Variants in PDZD9 observed in about 807,000 individuals in gnomAD.
The protein encoded by PDZD9 is PDZ domain-containing protein 9.
In PDZD9, 13 loss-of-function variants were observed where a neutral mutation model predicts 16.3. The ratio of observed to expected loss-of-function variants is 0.80; its 90% CI spans 0.52 to 1.27. The LOEUF (loss-of-function observed/expected upper bound fraction) is 1.27. Among genes scored for constraint, PDZD9 ranks in the 50% most tolerant of loss-of-function variants. The pLI is 0.00. For missense variants in PDZD9, 288 were observed against 310.9 expected, an observed-to-expected ratio of 0.93 and a Z score of 0.55; for synonymous variants, 120 against 111.0, an observed-to-expected ratio of 1.08 and a Z score of -0.51.
the PDZD9 span, chr16:21,968,625 C>T: frequency 3.7e-6 from 6 of 1,604,176 alleles, no homozygotes; most frequent in Admixed American, 1.7e-5. Context: ...TTAACTTCCT[C>T]AGTTACATTA....
the PDZD9 span, among the ~76,000 whole-genome samples, chr16:21,970,566 G>A: frequency 6.6e-6 from 1 of 152,042 alleles, no homozygotes; most frequent in Non-Finnish European, 1.5e-5. Context: ...TGTGCTTTTT[G>A]TCCATTTGTA....
the PDZD9 span, chr16:21,971,858 T>C: frequency 6.2e-7 from 1 of 1,601,716 alleles, no homozygotes; most frequent in South Asian, 1.1e-5. Flanking sequence ...TAGGAAATAC[T>C]GGAGAATGAA....
At chr16:21,975,272 A>G in the PDZD9 span, among the ~76,000 whole-genome samples, 1 of 152,224 alleles carries the variant, frequency 6.6e-6, no homozygotes, top group African/African-American at 2.4e-5. Context: ...GGCCTGATAA[A>G]TTGAAAGACT....
At position 21,988,740 on chromosome 16, in the gene PDZD9, CGAA is replaced by C; in HGVS notation, c.260_262del (p.Leu87del). Reference sequence around the variant, plus strand: ...ATGTTGCAAAAGCTGTAAAAATTCTCGAAGAGTATATCCTAACACATTGGCATG... The same window carrying C: ...ATGTTGCAAAAGCTGTAAAAATTCTCGAGTATATCCTAACACATTGGCATG... On this transcript the variant is annotated inframe_deletion, in exon 3 of 4. Coordinates refer to ENST00000424898, the MANE Select transcript of PDZD9 (RefSeq NM_001363519.1). The C allele has an allele frequency of 6.2e-7, 1 of 1,613,446 alleles. No homozygotes were observed. The highest frequency in any genetic ancestry group is 1.3e-5 in the African/African-American group (1 of 74,990).
the PDZD9 span, chr16:21,976,147 A>C: frequency 6.2e-7 from 1 of 1,607,424 alleles, no homozygotes; most frequent in Admixed American, 1.7e-5. Context: ...CAGATGACCA[A>C]CTTTTCTTAT....
chr16:21,993,038 C>A (rs1899062639), intron 2 of PDZD9, among the ~76,000 whole-genome samples: 1 of 152,122 alleles, frequency 6.6e-6, no homozygotes, highest in Non-Finnish European at 1.5e-5. Context: ...TGCCTGATTC[C>A]TCTTCCACTA....
chr16:21,963,795 C>A, the PDZD9 span, among the ~76,000 whole-genome samples: 1 of 152,010 alleles, frequency 6.6e-6, no homozygotes, highest in African/African-American at 2.4e-5. Flanking sequence ...AGTTGTTTTG[C>A]TTACCCCAAA....
rs986274392 is a variant in PDZD9, at chr16:21,984,229, G to A, written c.*38C>T. The A allele has an allele frequency of 6.4e-7, 1 of 1,563,558 alleles. No homozygotes were observed. The highest frequency in any genetic ancestry group is 2.3e-5 in the East Asian group (1 of 44,386). ...GTGCCTGGTGAGGCACAAAACTTGG[G>A]TGTCTGCAAGATAAATGCTCATATG... On this transcript the variant is annotated 3_prime_UTR_variant, in exon 4 of 4. Coordinates refer to ENST00000424898, the MANE Select transcript of PDZD9 (RefSeq NM_001363519.1).
the PDZD9 span, among the ~76,000 whole-genome samples, chr16:21,969,677 T>C: frequency 6.6e-6 from 1 of 152,200 alleles, no homozygotes. Flanking sequence ...AAATTACAGC[T>C]TAAGATATAA....
chr16:21,984,885 TA>T (rs34161703), intron 3 of PDZD9, among the ~76,000 whole-genome samples: 3 of 152,220 alleles, frequency 2.0e-5, no homozygotes, highest in African/African-American at 7.2e-5. Context: ...CACCATACCT[TA>T]AAAAGTTTTG....
At chr16:21,999,314 C>T in intron 1 of PDZD9, 1 of 221,656 alleles carries the variant, frequency 4.5e-6, no homozygotes, top group Non-Finnish European at 9.9e-6. Context: ...AAAGTGAGAT[C>T]TTCAATGCTT....
chr16:21,987,351 C>G (rs540266053), intron 3 of PDZD9, among the ~76,000 whole-genome samples: 1 of 152,094 alleles, frequency 6.6e-6, no homozygotes, highest in East Asian at 1.9e-4. Flanking sequence ...ACCCGAGAGG[C>G]AGAGGTTGCA....
chr16:21,980,840 G>A (rs1898707324), downstream of PDZD9: 1 of 971,292 alleles, frequency 1.0e-6, no homozygotes, highest in Non-Finnish European at 1.5e-6. Context: ...AGGCAGGAGG[G>A]CTCATTCCCA....
the PDZD9 span, among the ~76,000 whole-genome samples, chr16:21,964,975 C>A: frequency 6.6e-6 from 1 of 152,178 alleles, no homozygotes; most frequent in Non-Finnish European, 1.5e-5. Context: ...CATTGGTCCC[C>A]TGAAAGCTAC....
chr16:21,981,990 A>G (rs1277410693), downstream of PDZD9, among the ~76,000 whole-genome samples: 1 of 151,126 alleles, frequency 6.6e-6, no homozygotes, highest in Non-Finnish European at 1.5e-5. Flanking sequence ...ACAGGTGCCC[A>G]CCACCACGGC....
the PDZD9 span, among the ~76,000 whole-genome samples, chr16:21,978,377 C>T: frequency 6.6e-6 from 1 of 152,124 alleles, no homozygotes; most frequent in Non-Finnish European, 1.5e-5. Flanking sequence ...TCAAATAACT[C>T]GACTGTCTTA....
chr16:21,962,947 A>C, the PDZD9 span: 1 of 1,529,466 alleles, frequency 6.5e-7, no homozygotes, highest in East Asian at 2.3e-5. Context: ...AGATCAATTT[A>C]TAGAAGAAAA....
chr16:21,986,017 G>A (rs1390335945), intron 3 of PDZD9, among the ~76,000 whole-genome samples: 1 of 151,854 alleles, frequency 6.6e-6, no homozygotes. Flanking sequence ...TGATGGTTAG[G>A]TAACCATAAA....
chr16:21,981,543 C>T (rs561121724), downstream of PDZD9, among the ~76,000 whole-genome samples: 1 of 152,054 alleles, frequency 6.6e-6, no homozygotes, highest in Non-Finnish European at 1.5e-5. Context: ...TGCTTGAGCC[C>T]AGGAGTTCAA....
Sources: allele counts gnomAD v4.1 joint callset (sites outside exome capture counted in the v4.1 genomes callset), GRCh38; gene constraint gnomAD v4.1.1; transcripts MANE v1.5; gene names NCBI Gene and HGNC (gene_info 2026-07-23, HGNC 2026-07-21).